GPR19: variants seen among roughly 807,000 people sequenced by gnomAD.
GPR19 encodes G protein-coupled receptor 19.
In GPR19, 14 loss-of-function variants were observed where a neutral mutation model predicts 28.5. The ratio of observed to expected loss-of-function variants is 0.49; its 90% CI spans 0.32 to 0.77. GPR19 has a LOEUF of 0.77. Among genes scored for constraint, GPR19 ranks in the 30% least tolerant of loss-of-function variants. The probability of loss-of-function intolerance (pLI) is 0.03; values close to 1 mark genes in which losing one functional copy is unlikely to be tolerated. For missense variants in GPR19, 409 were observed against 504.1 expected, an observed-to-expected ratio of 0.81 and a Z score of 1.81; for synonymous variants, 173 against 184.1, an observed-to-expected ratio of 0.94 and a Z score of 0.49.
At chr12:12,702,641 A>C in the GPR19 span, among the ~76,000 whole-genome samples, 1 of 152,204 alleles carries the variant, frequency 6.6e-6, no homozygotes, top group African/African-American at 2.4e-5. Context: ...ACCAGTTTTC[A>C]TTATTTCTCT....
intron 3 of GPR19, among the ~76,000 whole-genome samples, chr12:12,675,782 G>A (rs914584970): frequency 4.6e-5 from 7 of 152,082 alleles, no homozygotes; most frequent in Admixed American, 2.0e-4. Flanking sequence ...ACAAGGCACC[G>A]GATTCTGCCA....
At chr12:12,717,071 C>T in the GPR19 span, 7 of 1,008,614 alleles carry the variant, frequency 6.9e-6, no homozygotes, top group Non-Finnish European at 8.3e-6. Flanking sequence ...GGGCCCCGAA[C>T]CTCAGGCCCC....
At chr12:12,687,255 C>T (rs1946111638) in intron 2 of GPR19, among the ~76,000 whole-genome samples, 1 of 152,186 alleles carries the variant, frequency 6.6e-6, no homozygotes, top group African/African-American at 2.4e-5. Flanking sequence ...AGAAACAAGA[C>T]AATAGGCTTG....
At chr12:12,716,770 C>T in the GPR19 span, 2 of 985,236 alleles carry the variant, frequency 2.0e-6, no homozygotes, top group Non-Finnish European at 2.4e-6. Context: ...ATGGCAGAAA[C>T]TTCTGGGTTA....
the GPR19 span, among the ~76,000 whole-genome samples, chr12:12,704,634 G>T: frequency 0.031 from 4,737 of 152,274 alleles, 115 homozygotes; most frequent in South Asian, 0.047. Context: ...AATTAAATTT[G>T]GTGGGGATTA....
intron 3 of GPR19, among the ~76,000 whole-genome samples, chr12:12,676,878 G>A (rs987159018): frequency 5.9e-5 from 9 of 152,198 alleles, no homozygotes; most frequent in African/African-American, 1.7e-4. Flanking sequence ...GAGTTAGTGG[G>A]AACCAGTTGT....
chr12:12,679,891 TACTC>T (rs1307844089), intron 3 of GPR19, among the ~76,000 whole-genome samples: 7 of 152,130 alleles, frequency 4.6e-5, no homozygotes, highest in African/African-American at 1.7e-4. Flanking sequence ...ATAATAACAA[TACTC>T]ACTTTATTGA....
chr12:12,672,246 G>A (rs910743715), intron 3 of GPR19, among the ~76,000 whole-genome samples: 33 of 152,108 alleles, frequency 2.2e-4, no homozygotes, highest in African/African-American at 5.8e-4. Context: ...ATGTTAGGTC[G>A]TGTTGGCATC....
intron 3 of GPR19, among the ~76,000 whole-genome samples, chr12:12,664,389 G>T (rs1945728260): frequency 6.6e-6 from 1 of 151,960 alleles, no homozygotes; most frequent in Non-Finnish European, 1.5e-5. Context: ...TACAAGTCTA[G>T]TGCTCAAGGC....
At chr12:12,689,586 C>CT (rs59726887) in intron 2 of GPR19, among the ~76,000 whole-genome samples, 38 of 148,290 alleles carry the variant, frequency 2.6e-4, no homozygotes, top group East Asian at 1.8e-3. Flanking sequence ...GGATTAGACA[C>CT]TTTTTTTTTT....
chr12:12,691,806 C>A (rs1946184563), intron 2 of GPR19, among the ~76,000 whole-genome samples: 1 of 152,184 alleles, frequency 6.6e-6, no homozygotes, highest in Non-Finnish European at 1.5e-5. Flanking sequence ...TTTGAAAACA[C>A]CCTTCAAGGG....
chr12:12,683,736 G>A (rs1346165671), intron 3 of GPR19, among the ~76,000 whole-genome samples: 1 of 152,194 alleles, frequency 6.6e-6, no homozygotes, highest in Non-Finnish European at 1.5e-5. Context: ...TTGAGTTCAC[G>A]GCTGATTATT....
chr12:12,678,256 GA>G (rs1376792891), intron 3 of GPR19, among the ~76,000 whole-genome samples: 3 of 151,204 alleles, frequency 2.0e-5, no homozygotes, highest in African/African-American at 7.3e-5. Flanking sequence ...AAATCATACT[GA>G]AAAAAATATT....
At position 12,661,248 on chromosome 12, in the gene GPR19, T is replaced by G; in HGVS notation, c.1201A>C (p.Lys401Gln). Residue 401 changes from lysine (K) to glutamine (Q), a missense_variant, in exon 4 of 4, where the codon AAG (lysine) becomes CAG (glutamine). Transcript: ENST00000651487. The surrounding 1 kb of genome is among the most constrained non-coding windows in gnomAD (Gnocchi z 4.2). ...DSFDREAKEKKLAWPINSNPP... is the reference protein window; with the variant it reads ...DSFDREAKEKQLAWPINSNPP... The stretch of plus-strand genomic sequence containing the variant: ...TTTGAGTTAATGGGCCAAGCAAGCT[T>G]TTTTTCCTTGGCTTCTCTGTCAAAT... 1 of 1,612,622 alleles carries G rather than the reference T, an allele frequency of 6.2e-7. No individual in the cohort carries two copies. The highest frequency in any genetic ancestry group is 1.1e-5 in the South Asian group (1 of 90,812).
chr12:12,710,429 C>A, the GPR19 span, among the ~76,000 whole-genome samples: 3 of 151,996 alleles, frequency 2.0e-5, no homozygotes, highest in Non-Finnish European at 4.4e-5. Flanking sequence ...AGGATCCAAC[C>A]TGGCCATATG....
intron 3 of GPR19, among the ~76,000 whole-genome samples, chr12:12,683,223 G>A (rs1448871786): frequency 1.3e-5 from 2 of 152,254 alleles, no homozygotes; most frequent in South Asian, 2.1e-4. Flanking sequence ...GAAACAGAAC[G>A]GCAATTACTT....
intron 3 of GPR19, among the ~76,000 whole-genome samples, chr12:12,678,152 G>T (rs1464691262): frequency 6.8e-6 from 1 of 147,690 alleles, no homozygotes; most frequent in Admixed American, 6.8e-5. Context: ...CATCACAAAT[G>T]TGTTCATATG....
chr12:12,675,095 C>T (rs748411095), intron 3 of GPR19, among the ~76,000 whole-genome samples: 3 of 152,140 alleles, frequency 2.0e-5, no homozygotes, highest in African/African-American at 7.2e-5. Flanking sequence ...GGGTCCCAGC[C>T]GTGTTCCAGG....
intron 3 of GPR19, among the ~76,000 whole-genome samples, chr12:12,667,724 C>CTGGT (rs1490417676): frequency 2.7e-5 from 4 of 150,540 alleles, no homozygotes; most frequent in African/African-American, 9.8e-5. Flanking sequence ...GAACTGGGGA[C>CTGGT]TGGTTACCCC....
Sources: allele counts gnomAD v4.1 joint callset (sites outside exome capture counted in the v4.1 genomes callset), GRCh38; gene constraint gnomAD v4.1.1; non-coding constraint Gnocchi (gnomAD v3.1); transcripts MANE v1.5; gene names NCBI Gene and HGNC (gene_info 2026-07-23, HGNC 2026-07-21).